The following NDUFAF4 variants were observed in gnomAD, a reference collection of about 807,000 sequenced individuals.
NDUFAF4 encodes NADH dehydrogenase [ubiquinone] 1 alpha subcomplex assembly factor 4.
NDUFAF4 carries 10 observed loss-of-function variants against 15.6 expected under a neutral mutation model. The observed-to-expected ratio is 0.64, with a 90% CI of 0.40 to 1.09. The LOEUF (loss-of-function observed/expected upper bound fraction) is 1.09. NDUFAF4 is among the 50% of genes least tolerant of loss of function. NDUFAF4 has a pLI of 0.01. For synonymous variants in NDUFAF4, 77 were observed against 73.3 expected, an observed-to-expected ratio of 1.05 and a Z score of -0.26; for missense variants, 203 against 207.3, an observed-to-expected ratio of 0.98 and a Z score of 0.13.
chr6:96,894,066 G>C (rs1295980229), intron 2 of NDUFAF4, among the ~76,000 whole-genome samples: 1 of 152,150 alleles, frequency 6.6e-6, no homozygotes, highest in Non-Finnish European at 1.5e-5. Flanking sequence ...CTGATATATA[G>C]TAGTACCTGG....
intron 2 of NDUFAF4, among the ~76,000 whole-genome samples, chr6:96,895,414 C>T (rs753864382): frequency 6.6e-5 from 10 of 152,018 alleles, no homozygotes; most frequent in South Asian, 2.1e-4. Context: ...ATGAACTGCC[C>T]GAAGGAAAAA....
Position 96,890,767 on chromosome 6 carries a change from A to G in NDUFAF4, c.*337T>C. ...TAACTTGGAAAGTAAAACTCAGTTG[A>G]GGGATTCAGGACATTTCCCAAGGGG... On this transcript the variant is annotated 3_prime_UTR_variant, in exon 3 of 3. Transcript: ENST00000316149. The G allele has an allele frequency of 4.5e-6, 1 of 221,970 alleles. No individual in the cohort carries two copies. The highest frequency in any genetic ancestry group is 8.9e-6 in the Non-Finnish European group (1 of 112,754). 13.8% of individuals were successfully genotyped at this position (221,970 alleles called of 1,614,324 possible).
In NDUFAF4 at chr6:96,896,849, T is replaced by C. The variant is rs1430398656; in HGVS notation, c.137-2A>G. 1.2e-6 allele frequency: 2 copies of C among 1,605,664 alleles called. No individual in the cohort carries two copies. The highest frequency in any genetic ancestry group is 2.7e-5 in the African/African-American group (2 of 74,768). ...TCTCTCCTTTAACTTCTGGATAGAC[T>C]AAGGAAAGGAAAAAAGTCACAATAT... is the stretch of plus-strand genomic sequence containing the variant. On this transcript the variant is annotated splice_acceptor_variant, in intron 1 of 2. Transcript: ENST00000316149. LOFTEE classifies it high-confidence loss of function.
chr6:96,897,263 T>C (rs1478030835), intron 1 of NDUFAF4, among the ~76,000 whole-genome samples: 1 of 152,100 alleles, frequency 6.6e-6, no homozygotes, highest in Non-Finnish European at 1.5e-5. Context: ...ACATAATCAT[T>C]TGGACTGTTA....
chr6:96,894,014 C>T (rs1775343338), intron 2 of NDUFAF4, among the ~76,000 whole-genome samples: 1 of 152,076 alleles, frequency 6.6e-6, no homozygotes, highest in South Asian at 2.1e-4. Flanking sequence ...GAAATAATAA[C>T]CTAGCAATGT....
Position 96,891,372 on chromosome 6 carries a change from C to T in NDUFAF4, c.260G>A (p.Cys87Tyr), listed in dbSNP as rs2127974202. 2 of 1,607,130 alleles carry T rather than the reference C, an allele frequency of 1.2e-6. No individual in the cohort carries two copies. Among genetic ancestry groups the T allele is most frequent in the African/African-American group, 1.4e-5 (1 of 72,482 alleles). Residue 87 changes from cysteine to tyrosine, a missense_variant, in exon 3 of 3, where the codon TGT (cysteine) becomes TAT (tyrosine). Cys to Tyr is a radical substitution (Grantham distance 194, BLOSUM62 -2). Coordinates refer to ENST00000316149, the MANE Select transcript of NDUFAF4 (RefSeq NM_014165.4). The part of the protein sequence containing the change: ...SSLQVKAAET[C>Y]QEPKEFRLPK... ...CAATCTGAATTCCTTCGGCTCTTGACATGTTTCAGCAGCTTTTACCTAGTA... is the reference window on the plus strand; with the variant it reads ...CAATCTGAATTCCTTCGGCTCTTGATATGTTTCAGCAGCTTTTACCTAGTA...
At chr6:96,894,526 A>G (rs1775348793) in intron 2 of NDUFAF4, among the ~76,000 whole-genome samples, 1 of 152,172 alleles carries the variant, frequency 6.6e-6, no homozygotes, top group African/African-American at 2.4e-5. Context: ...CGAACCCTGA[A>G]ATTGTTGTAA....
In NDUFAF4 at chr6:96,889,643, A is replaced by G. The variant is rs936826281; in HGVS notation, c.*1461T>C. On this transcript the variant is annotated 3_prime_UTR_variant, in exon 3 of 3. Coordinates refer to ENST00000316149, the MANE Select transcript of NDUFAF4 (RefSeq NM_014165.4). ...AGTCCATTTTTCTGTTCTCAGCATT[A>G]CTACAAATGCCTCATTCCGTCATCA... 1 of 152,594 alleles carries G rather than the reference A, an allele frequency of 6.6e-6. No individual in the cohort carries two copies. Among genetic ancestry groups the G allele is most frequent in the Non-Finnish European group, 1.5e-5 (1 of 68,030 alleles). 9.5% of individuals were successfully genotyped at this position (152,594 alleles called of 1,614,324 possible). A position where few individuals can be genotyped will look rare whatever the true frequency, so the allele number is the denominator to read the frequency against.
chr6:96,893,799 C>T (rs963679936), intron 2 of NDUFAF4, among the ~76,000 whole-genome samples: 4 of 150,234 alleles, frequency 2.7e-5, no homozygotes, highest in Non-Finnish European at 5.9e-5. Flanking sequence ...ATTTTTTAAT[C>T]GAAAACAAGT....
At position 96,889,870 on chromosome 6, in the gene NDUFAF4, G is replaced by A. The variant is rs898831792; in HGVS notation, c.*1234C>T. On this transcript the variant is annotated 3_prime_UTR_variant, in exon 3 of 3. Coordinates refer to ENST00000316149, the MANE Select transcript of NDUFAF4 (RefSeq NM_014165.4). ...AAAACTAAATTCTGGGCCTGTTTAA[G>A]TCATAAACTACAGAATCTTCGGTCA... The A allele has an allele frequency of 6.6e-6, 1 of 152,092 alleles. No homozygotes were observed. Among genetic ancestry groups the A allele is most frequent in the Non-Finnish European group, 1.5e-5 (1 of 68,002 alleles). 9.4% of individuals were successfully genotyped at this position (152,092 alleles called of 1,614,324 possible). A position where few individuals can be genotyped will look rare whatever the true frequency, so the allele number is the denominator to read the frequency against.
In NDUFAF4 at chr6:96,897,838, C is replaced by A. The variant is rs1444662916; in HGVS notation, c.-37G>T. On this transcript the variant is annotated 5_prime_UTR_variant, in exon 1 of 3. Transcript: ENST00000316149. ...ATTATGCGCTCAGGTTCAGGCCGCACGTGGGAACACCGGCGCAGGACAACT... is the reference window on the plus strand; with the variant it reads ...ATTATGCGCTCAGGTTCAGGCCGCAAGTGGGAACACCGGCGCAGGACAACT... The A allele has an allele frequency of 3.7e-6, 6 of 1,613,304 alleles. No individual in the cohort carries two copies. Among genetic ancestry groups the A allele is most frequent in the African/African-American group, 1.3e-5 (1 of 74,898 alleles).
chr6:96,894,460 T>A (rs1406010139), intron 2 of NDUFAF4, among the ~76,000 whole-genome samples: 2 of 152,142 alleles, frequency 1.3e-5, no homozygotes, highest in Non-Finnish European at 2.9e-5. Context: ...ATTGACTTAA[T>A]GAGGAAAAAA....
chr6:96,897,533 G>A, intron 1 of NDUFAF4, 133 bp downstream of exon 1: 1 of 1,358,344 alleles, frequency 7.4e-7, no homozygotes, highest in Non-Finnish European at 1.0e-6. Context: ...CCCTTCCAAC[G>A]CTCCGCCAAC....
In NDUFAF4 at chr6:96,897,821, C is replaced by A. The variant is rs1186295770; in HGVS notation, c.-20G>T. On this transcript the variant is annotated 5_prime_UTR_variant, in exon 1 of 3. Coordinates refer to ENST00000316149, the MANE Select transcript of NDUFAF4 (RefSeq NM_014165.4). ...TCCCATCTCCTCATAACATTATGCG[C>A]TCAGGTTCAGGCCGCACGTGGGAAC... 11 of 1,613,992 alleles carry A rather than the reference C, an allele frequency of 6.8e-6. No homozygotes were observed. The highest frequency in any genetic ancestry group is 4.5e-5 in the East Asian group (2 of 44,856).
At chr6:96,891,718 CA>C (rs1178488391) in intron 2 of NDUFAF4, among the ~76,000 whole-genome samples, 1 of 151,864 alleles carries the variant, frequency 6.6e-6, no homozygotes, top group Non-Finnish European at 1.5e-5. Flanking sequence ...GCCTGCTTCC[CA>C]TTCCACCATG....
chr6:96,891,106 A>C lies in NDUFAF4; in HGVS notation c.526T>G (p.Ter176GlyextTer28), dbSNP rs770871949. 1 of 1,612,136 alleles carries C rather than the reference A, an allele frequency of 6.2e-7. No homozygotes were observed. The highest frequency in any genetic ancestry group is 1.3e-5 in the African/African-American group (1 of 74,868). The change falls in exon 3 of 3, where the codon TGA becomes GGA. Residue 176 changes from the stop codon to glycine (G), a stop_lost. Coordinates refer to ENST00000316149, the MANE Select transcript of NDUFAF4 (RefSeq NM_014165.4). ...ATAGGAAATTTCTGTGATTTTCTTC[A>C]TTTTGATCGTATTGCTTTCTTGTCT... ...PEDKKAIRSK* is the reference protein window; with the variant it reads ...PEDKKAIRSKG
rs961279982 is a variant in NDUFAF4 at position 96,892,293 on chromosome 6, ATCCT to A, written c.241-906_241-903del. On this transcript the variant is annotated intron_variant, in intron 2 of 2. Coordinates refer to ENST00000316149, the MANE Select transcript of NDUFAF4 (RefSeq NM_014165.4). ...TAAATAAAACAACCTATGCACACCC[ATCCT>A]TCCATCTATCTGTCCCATCCCAGCT... 6.6e-5 allele frequency among the ~76,000 whole-genome samples: 10 copies of A among 152,022 alleles called. 1 individual carries two copies. The highest frequency in any genetic ancestry group is 5.9e-4 in the Admixed American group (9 of 15,264).
chr6:96,891,984 G>A (rs888030899), intron 2 of NDUFAF4, among the ~76,000 whole-genome samples: 4 of 151,972 alleles, frequency 2.6e-5, no homozygotes, highest in Non-Finnish European at 4.4e-5. Context: ...CTATCATTAA[G>A]AAATGTAGGC....
At chr6:96,896,710 A>C (rs750338918) in intron 2 of NDUFAF4, 34 bp downstream of exon 2, 63 of 1,504,710 alleles carry the variant, frequency 4.2e-5, no homozygotes, top group Middle Eastern at 4.6e-4. Flanking sequence ...AAAATAAGTA[A>C]ATTGTGTATT....
Sources: gnomAD v4.1 joint callset for allele counts (sites outside exome capture counted in the v4.1 genomes callset) on GRCh38, gnomAD v4.1.1 for gene constraint, MANE v1.5 for transcripts, NCBI Gene and HGNC (gene_info 2026-07-23, HGNC 2026-07-21) for gene names.